Variants in UBR1 observed in about 807,000 individuals in gnomAD.
UBR1 encodes ubiquitin protein ligase E3 component n-recognin 1.
In UBR1, 102 loss-of-function variants were observed where a neutral mutation model predicts 242.1. The observed-to-expected ratio is 0.42, with a 90% confidence interval of 0.36 to 0.50. The LOEUF is 0.50. Among genes scored for constraint, UBR1 ranks in the 20% least tolerant of loss-of-function variants. UBR1 has a pLI of 0.01. For synonymous variants in UBR1, 675 were observed against 684.8 expected (o/e 0.99, Z 0.22); for missense variants, 1,772 against 2,101.8 (o/e 0.84, Z 3.07).
chr15:43,012,299 T>C (rs2032935429), intron 29 of UBR1, among the ~76,000 whole-genome samples: 1 of 150,092 alleles, frequency 6.7e-6, no homozygotes, highest in African/African-American at 2.4e-5. Flanking sequence ...GACACTGAAA[T>C]AGCAAGCTGC....
At chr15:43,024,116 G>A (rs570665293) in intron 25 of UBR1, among the ~76,000 whole-genome samples, 12 of 152,182 alleles carry the variant, frequency 7.9e-5, no homozygotes, top group Non-Finnish European at 1.6e-4. Context: ...GACTCAGGGA[G>A]AGAAATTTTA....
At chr15:43,087,614 C>T (rs1348925143) in intron 1 of UBR1, among the ~76,000 whole-genome samples, 1 of 152,012 alleles carries the variant, frequency 6.6e-6, no homozygotes, top group Non-Finnish European at 1.5e-5. Flanking sequence ...TTAGGTATTA[C>T]TATAGAAATT....
At chr15:43,097,015 C>T (rs999987938) in intron 1 of UBR1, among the ~76,000 whole-genome samples, 1 of 152,008 alleles carries the variant, frequency 6.6e-6, no homozygotes, top group Non-Finnish European at 1.5e-5. Flanking sequence ...TTGCCCACAT[C>T]TATCAGAGGA....
chr15:42,998,255 C>T lies in UBR1; in HGVS notation c.3670G>A (p.Asp1224Asn), dbSNP rs1567119831. The change falls in exon 33 of 47, where the codon GAT becomes AAT. Residue 1224 changes from aspartate (D) to asparagine (N), a missense_variant. Asp to Asn is a conservative substitution (Grantham distance 23). Coordinates refer to ENST00000290650, the MANE Select transcript of UBR1 (RefSeq NM_174916.3). ...AGGGTCAAAAGTTGAGCAAGAGCAT[C>T]TGCATTCTCACTGAAAAATGATATT... ...QPQKINSENA[D>N]ALAQLLTLAR... 6 of 1,613,742 alleles carry T rather than the reference C, an allele frequency of 3.7e-6. No homozygotes were observed. The highest frequency in any genetic ancestry group is 5.1e-6 in the Non-Finnish European group (6 of 1,179,752).
intron 41 of UBR1, 23 bp downstream of exon 41, chr15:42,966,130 C>T (rs1398984120): frequency 1.2e-6 from 2 of 1,613,920 alleles, no homozygotes; most frequent in African/African-American, 1.3e-5. Context: ...TTTTCCACTC[C>T]ATGATTTCAT....
At position 42,983,152 on chromosome 15, in the gene UBR1, C is replaced by T. The variant is rs374109987; in HGVS notation, c.4150+745G>A. On this transcript the variant is annotated intron_variant, in intron 37 of 46. Coordinates refer to ENST00000290650, the MANE Select transcript of UBR1 (RefSeq NM_174916.3). The stretch of plus-strand genomic sequence containing the variant: ...GAAATGGGCATGGAACTGAGTTCTG[C>T]GATTACTGAATGTAGCATTTCCATT... Among the ~76,000 whole-genome samples the T allele has an allele frequency of 1.3e-4, 20 of 152,124 alleles. No homozygotes were observed. The East Asian group carries it at 1.9e-3, about 15-fold the overall frequency.
At chr15:43,017,215 G>A (rs1340664391) in intron 27 of UBR1, 34 bp from the exon 28 acceptor site, 6 of 1,404,290 alleles carry the variant, frequency 4.3e-6, no homozygotes, top group Non-Finnish European at 6.0e-6. Flanking sequence ...AAAAGAGTTA[G>A]TTAGACTGTT....
intron 33 of UBR1, among the ~76,000 whole-genome samples, chr15:42,993,612 C>T (rs922973003): frequency 6.6e-6 from 1 of 152,072 alleles, no homozygotes; most frequent in Non-Finnish European, 1.5e-5. Flanking sequence ...AAGAGATCTG[C>T]CTGCCTCGGC....
At chr15:43,058,692 T>A (rs1029552423) in intron 9 of UBR1, among the ~76,000 whole-genome samples, 3 of 152,242 alleles carry the variant, frequency 2.0e-5, no homozygotes, top group African/African-American at 7.2e-5. Flanking sequence ...ATTCTTTTTC[T>A]ATTTCACTGT....
intron 31 of UBR1, among the ~76,000 whole-genome samples, chr15:43,003,083 T>C (rs1412445801): frequency 6.6e-6 from 1 of 152,212 alleles, no homozygotes; most frequent in Non-Finnish European, 1.5e-5. Context: ...GGGTAAACTC[T>C]ACACAAAAGA....
intron 20 of UBR1, among the ~76,000 whole-genome samples, chr15:43,030,757 GTTACC>G (rs1264149804): frequency 1.3e-5 from 2 of 152,138 alleles, no homozygotes; most frequent in African/African-American, 4.8e-5. Flanking sequence ...GTGGCCTTAT[GTTACC>G]ACTGATTTTC....
chr15:42,950,171 C>G, intron 46 of UBR1, 91 bp downstream of exon 46: 1 of 1,182,994 alleles, frequency 8.5e-7, no homozygotes, highest in South Asian at 1.2e-5. Context: ...GAACTATTAC[C>G]GTTTACATAC....
chr15:43,026,435 G>T, intron 23 of UBR1, 126 bp downstream of exon 23: 1 of 706,968 alleles, frequency 1.4e-6, no homozygotes, highest in Non-Finnish European at 2.4e-6. Flanking sequence ...TTTAATTCTT[G>T]GGTGACATAA....
rs775900069 is a variant in UBR1, at chr15:42,958,020, G to A, written c.4828C>T (p.His1610Tyr). 6.2e-7 allele frequency: 1 copy of A among 1,612,436 alleles called. No homozygotes were observed. Among genetic ancestry groups the A allele is most frequent in the East Asian group, 2.2e-5 (1 of 44,846 alleles). The change falls in exon 44 of 47, where the codon CAT becomes TAT. Residue 1610 changes from histidine (H) to tyrosine (Y), a missense_variant. Transcript: ENST00000290650. ...TATACACACTCTCCTTACCTGAAAT[G>A]AGAAGCTTGATTCAGGAGGCAGCTA... ...DYSCLLNQAS[H>Y]FRCPRSADDE...
intron 8 of UBR1, among the ~76,000 whole-genome samples, 154 bp from the exon 9 acceptor site, chr15:43,059,346 T>C (rs534543964): frequency 8.1e-4 from 124 of 152,280 alleles, no homozygotes; most frequent in Admixed American, 1.8e-3. Flanking sequence ...ATTACAGACA[T>C]GAGCCCCTGT....
At chr15:43,057,246 T>C (rs553776464) in intron 10 of UBR1, among the ~76,000 whole-genome samples, 96 of 152,316 alleles carry the variant, frequency 6.3e-4, no homozygotes, top group African/African-American at 2.2e-3. Flanking sequence ...TGCTGAAGGA[T>C]AAGACATACA....
chr15:43,088,588 T>G (rs1038303946), intron 1 of UBR1, among the ~76,000 whole-genome samples: 1 of 151,960 alleles, frequency 6.6e-6, no homozygotes, highest in African/African-American at 2.4e-5. Flanking sequence ...CTCTACTTCC[T>G]GGGTTCAAGC....
chr15:43,062,419 G>A (rs1434694924), intron 6 of UBR1, among the ~76,000 whole-genome samples: 1 of 152,002 alleles, frequency 6.6e-6, no homozygotes, highest in Admixed American at 6.6e-5. Flanking sequence ...AAGTAGAATT[G>A]GTGGTTGCCA....
chr15:42,960,095 G>T (rs960073273), intron 43 of UBR1, among the ~76,000 whole-genome samples: 3 of 152,184 alleles, frequency 2.0e-5, no homozygotes, highest in African/African-American at 7.2e-5. Context: ...GGACATTTAT[G>T]AGAGAGACTA....
Sources: allele counts gnomAD v4.1 joint callset (sites outside exome capture counted in the v4.1 genomes callset), GRCh38; gene constraint gnomAD v4.1.1; transcripts MANE v1.5; gene names NCBI Gene and HGNC (gene_info 2026-07-23, HGNC 2026-07-21).